Variants in PLPPR1 observed in about 807,000 individuals in gnomAD.
PLPPR1 encodes the protein phospholipid phosphatase-related protein type 1.
A neutral mutation model predicts 33.1 loss-of-function variants in PLPPR1; 10 were observed. The observed-to-expected ratio is 0.30, with a 90% CI of 0.19 to 0.51. The LOEUF (loss-of-function observed/expected upper bound fraction) is 0.51. Among genes scored for constraint, PLPPR1 ranks in the 20% least tolerant of loss-of-function variants. The pLI, the probability that PLPPR1 is intolerant of heterozygous loss-of-function variation, is 0.97. For synonymous variants in PLPPR1, 151 were observed against 151.0 expected (o/e 1.00, Z 0.00); for missense variants, 304 against 408.1 (o/e 0.74, Z 2.20).
chr9:101,219,414 G>A (rs1327814622), intron 2 of PLPPR1, among the ~76,000 whole-genome samples: 4 of 152,200 alleles, frequency 2.6e-5, no homozygotes, highest in Admixed American at 2.6e-4. Flanking sequence ...GCCAGATTAT[G>A]ATTTATAGGA....
intron 1 of PLPPR1, among the ~76,000 whole-genome samples, chr9:101,084,108 A>G (rs996815404): frequency 2.0e-5 from 3 of 152,178 alleles, no homozygotes; most frequent in Admixed American, 6.5e-5. Flanking sequence ...TCTGTGTGGG[A>G]TTCCTGGGAG....
At position 101,309,457 on chromosome 9, in the gene PLPPR1, C is replaced by T. The variant is rs771824283; in HGVS notation, c.632C>T (p.Ala211Val). Residue 211 changes from alanine to valine, a missense_variant, in exon 5 of 8, where the codon GCC becomes GTC. Physicochemically the swap from Ala to Val is moderately conservative, Grantham distance 64. Transcript: ENST00000374874. ...CTGAGCATTTACTCCGCCTTATATG[C>T]CACGGTGAGTGTGCAAGTCTTGTCT... ...AALSIYSALY[A>V]TMYITSTIKT... 1 of 1,613,636 alleles carries T rather than the reference C, an allele frequency of 6.2e-7. No homozygotes were observed. The highest frequency in any genetic ancestry group is 1.1e-5 in the South Asian group (1 of 91,046).
At chr9:101,297,129 C>G (rs575785598) in intron 4 of PLPPR1, among the ~76,000 whole-genome samples, 10 of 152,106 alleles carry the variant, frequency 6.6e-5, no homozygotes, top group South Asian at 2.1e-4. Flanking sequence ...GCAAATTGGG[C>G]AAATAATTTT....
intron 1 of PLPPR1, among the ~76,000 whole-genome samples, chr9:101,077,596 T>C (rs1330494782): frequency 6.6e-6 from 1 of 152,152 alleles, no homozygotes; most frequent in Non-Finnish European, 1.5e-5. Context: ...GTGCTCAGAA[T>C]AGCACCTGTG....
chr9:101,292,990 A>G (rs1479774078), intron 4 of PLPPR1, among the ~76,000 whole-genome samples: 1 of 152,158 alleles, frequency 6.6e-6, no homozygotes, highest in African/African-American at 2.4e-5. Context: ...AAATGCTCCA[A>G]TTAAAAGACA....
chr9:101,091,185 T>A (rs1164848279), intron 1 of PLPPR1, among the ~76,000 whole-genome samples: 1 of 152,168 alleles, frequency 6.6e-6, no homozygotes, highest in Non-Finnish European at 1.5e-5. Context: ...TCCCCTCCTA[T>A]GTTTCCTTAC....
Position 101,222,148 on chromosome 9 carries a change from G to T in PLPPR1, c.63+36591G>T, listed in dbSNP as rs530011591. 9.9e-5 allele frequency among the ~76,000 whole-genome samples: 15 copies of T among 152,268 alleles called. No homozygotes were observed. The South Asian group carries it at 2.5e-3, about 25-fold the overall frequency. On this transcript the variant is annotated intron_variant, in intron 2 of 7. Coordinates refer to ENST00000374874, the MANE Select transcript of PLPPR1 (RefSeq NM_207299.2). ...CTGGGGCAGCCCTGCAGCAACTTGG[G>T]AATTGAAGTAGCACCTGAGAAACTG...
chr9:101,130,619 C>G (rs1831302954), intron 1 of PLPPR1, among the ~76,000 whole-genome samples: 3 of 152,110 alleles, frequency 2.0e-5, no homozygotes, highest in African/African-American at 7.2e-5. Flanking sequence ...TGCTGATTCC[C>G]AACCAATTAC....
At position 101,324,060 on chromosome 9, in the gene PLPPR1, C is replaced by T. The variant is rs199890210; in HGVS notation, c.*3C>T. The T allele has an allele frequency of 1.2e-4, 198 of 1,611,138 alleles. 1 individual carries two copies. Among genetic ancestry groups the T allele is most frequent in the Non-Finnish European group, 1.5e-4 (175 of 1,177,558 alleles). ...CGTCCATGACCGAAGTTACCTGAGA[C>T]GACTGATGTGTCACAAGCTGTTTTT... On this transcript the variant is annotated 3_prime_UTR_variant, in exon 8 of 8. Transcript: ENST00000374874.
chr9:101,235,531 G>C (rs554095725), intron 2 of PLPPR1, among the ~76,000 whole-genome samples: 23 of 151,866 alleles, frequency 1.5e-4, no homozygotes, highest in African/African-American at 5.5e-4. Context: ...TGTACATGCT[G>C]TACTTTCATT....
At chr9:101,148,548 A>G (rs1346840841) in intron 1 of PLPPR1, among the ~76,000 whole-genome samples, 4 of 152,160 alleles carry the variant, frequency 2.6e-5, no homozygotes, top group Admixed American at 2.6e-4. Context: ...ATGTGAGGTT[A>G]AGCCCTTTCT....
intron 1 of PLPPR1, among the ~76,000 whole-genome samples, chr9:101,111,535 T>C (rs1438953777): frequency 6.6e-6 from 1 of 152,232 alleles, no homozygotes; most frequent in Non-Finnish European, 1.5e-5. Context: ...GTTATACCTA[T>C]ATTTGCATGC....
chr9:101,309,300 G>A lies in PLPPR1; in HGVS notation c.475G>A (p.Val159Met). The A allele has an allele frequency of 6.2e-7, 1 of 1,614,176 alleles. No homozygotes were observed. The highest frequency in any genetic ancestry group is 8.5e-7 in the Non-Finnish European group (1 of 1,180,036). The change falls in exon 5 of 8, where the codon GTG becomes ATG. Residue 159 changes from valine (V) to methionine (M), a missense_variant. Transcript: ENST00000374874. ...TGHLTPYFLT[V>M]CKPNYTSADC... is the part of the protein sequence containing the mutation. ...GCACTTAACGCCATACTTCCTGACT[G>A]TGTGCAAGCCAAACTACACCAGTGC...
chr9:101,225,802 C>T lies in PLPPR1; in HGVS notation c.63+40245C>T, dbSNP rs966336883. On this transcript the variant is annotated intron_variant, in intron 2 of 7. Coordinates refer to ENST00000374874, the MANE Select transcript of PLPPR1 (RefSeq NM_207299.2). ...TAAATGTGTCAGATACTAGAGACAGCGATCTGGTGGATCATTAAGATGCTT... is the reference window on the plus strand; with the variant it reads ...TAAATGTGTCAGATACTAGAGACAGTGATCTGGTGGATCATTAAGATGCTT... 6.6e-5 allele frequency among the ~76,000 whole-genome samples: 9 copies of T among 136,368 alleles called. No individual in the cohort carries two copies. The East Asian group carries it at 1.6e-3, about 25-fold the overall frequency. 89.5% of individuals were successfully genotyped at this position (136,368 alleles called of 152,430 possible).
intron 4 of PLPPR1, among the ~76,000 whole-genome samples, chr9:101,297,507 A>G (rs561772707): frequency 6.6e-6 from 1 of 152,306 alleles, no homozygotes; most frequent in Admixed American, 6.5e-5. Context: ...ACTTTGACGG[A>G]GAGTATTAAA....
intron 4 of PLPPR1, among the ~76,000 whole-genome samples, chr9:101,297,251 CT>C (rs78199469): frequency 0.14 from 20,703 of 152,160 alleles, 1,736 homozygotes; most frequent in East Asian, 0.25. Context: ...AGAATAAAGG[CT>C]ATCCAGAACG....
intron 7 of PLPPR1, among the ~76,000 whole-genome samples, chr9:101,321,838 T>C (rs1194155580): frequency 6.7e-6 from 1 of 148,374 alleles, no homozygotes; most frequent in African/African-American, 2.5e-5. Context: ...ATACATATCA[T>C]TTAATTTTGA....
intron 3 of PLPPR1, among the ~76,000 whole-genome samples, chr9:101,273,379 T>C (rs1306330059): frequency 6.6e-6 from 1 of 152,140 alleles, no homozygotes; most frequent in Non-Finnish European, 1.5e-5. Flanking sequence ...GCCTATGGAG[T>C]TGTTACACCA....
At chr9:101,186,578 A>G (rs923813849) in intron 2 of PLPPR1, among the ~76,000 whole-genome samples, 3 of 151,934 alleles carry the variant, frequency 2.0e-5, no homozygotes, top group Non-Finnish European at 1.5e-5. Context: ...TACTTTCAGT[A>G]CATCTGTTGT....
Sources: allele counts gnomAD v4.1 joint callset (sites outside exome capture counted in the v4.1 genomes callset), GRCh38; gene constraint gnomAD v4.1.1; transcripts MANE v1.5; gene names NCBI Gene and HGNC (gene_info 2026-07-23, HGNC 2026-07-21).